The following FOXN2 variants were observed in gnomAD, a reference collection of about 807,000 sequenced individuals.
FOXN2 encodes the protein forkhead box protein N2.
Under a neutral mutation model 41.2 loss-of-function variants are expected in FOXN2, and 19 were observed. That is an observed-to-expected ratio of 0.46 (90% CI 0.32 to 0.68). The LOEUF (loss-of-function observed/expected upper bound fraction) is 0.68, where lower values mean the gene tolerates loss of function less well. Among genes scored for constraint, FOXN2 ranks in the 30% least tolerant of loss-of-function variants. The pLI, the probability that FOXN2 is intolerant of heterozygous loss-of-function variation, is 0.03. For missense variants in FOXN2, 587 were observed against 509.4 expected (o/e 1.15, Z -1.47); for synonymous variants, 195 against 176.8 (o/e 1.10, Z -0.82).
chr2:48,345,247 T>G (rs2104365036), intron 2 of FOXN2, among the ~76,000 whole-genome samples: 1 of 152,306 alleles, frequency 6.6e-6, no homozygotes, highest in South Asian at 2.1e-4. Flanking sequence ...TTAATTTAGC[T>G]AATGATAAAT....
At chr2:48,364,213 ATATTT>A (rs980188837) in intron 5 of FOXN2, among the ~76,000 whole-genome samples, 1 of 152,044 alleles carries the variant, frequency 6.6e-6, no homozygotes, top group African/African-American at 2.4e-5. Context: ...CCCATTGTTA[ATATTT>A]TATTTTTATT....
At chr2:48,368,527 A>G (rs1216045745) in intron 5 of FOXN2, among the ~76,000 whole-genome samples, 1 of 152,058 alleles carries the variant, frequency 6.6e-6, no homozygotes, top group Non-Finnish European at 1.5e-5. Flanking sequence ...CCCCATCTCT[A>G]CCAAAAATAT....
intron 2 of FOXN2, among the ~76,000 whole-genome samples, chr2:48,335,233 TGAA>T (rs1558618103): frequency 6.6e-6 from 1 of 152,200 alleles, no homozygotes; most frequent in East Asian, 1.9e-4. Context: ...GGCTTAAAAA[TGAA>T]GAAAAGAGCA....
intron 1 of FOXN2, among the ~76,000 whole-genome samples, chr2:48,328,342 T>A (rs759298334): frequency 2.0e-5 from 3 of 152,232 alleles, no homozygotes; most frequent in Non-Finnish European, 4.4e-5. Context: ...AAGTTTCTTG[T>A]ATTACATGGT....
At chr2:48,341,131 C>T (rs1395463774) in intron 2 of FOXN2, among the ~76,000 whole-genome samples, 1 of 151,864 alleles carries the variant, frequency 6.6e-6, no homozygotes, top group Non-Finnish European at 1.5e-5. Context: ...CATTGAAATA[C>T]TGTTCTTAAA....
intron 4 of FOXN2, among the ~76,000 whole-genome samples, chr2:48,360,281 T>G (rs745641390): frequency 1.3e-5 from 2 of 152,268 alleles, no homozygotes; most frequent in African/African-American, 4.8e-5. Flanking sequence ...TAAAATACTT[T>G]AAGGGTAGTT....
At chr2:48,369,275 C>T (rs1236182077) in intron 5 of FOXN2, among the ~76,000 whole-genome samples, 1 of 152,170 alleles carries the variant, frequency 6.6e-6, no homozygotes, top group African/African-American at 2.4e-5. Flanking sequence ...GGGGGTCTCA[C>T]GCCTGTAATC....
intron 3 of FOXN2, among the ~76,000 whole-genome samples, chr2:48,347,220 CTTT>C (rs751958598): frequency 1.2e-4 from 9 of 75,730 alleles, no homozygotes; most frequent in African/African-American, 4.9e-4. Context: ...TGTTTTGGTG[CTTT>C]TTTTTTTTTT....
chr2:48,334,383 C>T (rs1001213896), intron 2 of FOXN2, among the ~76,000 whole-genome samples: 2 of 152,138 alleles, frequency 1.3e-5, no homozygotes, highest in East Asian at 3.9e-4. Context: ...TGTCAGACTT[C>T]TCAAGTGTGC....
At chr2:48,332,459 A>T (rs1039797584) in intron 2 of FOXN2, among the ~76,000 whole-genome samples, 4 of 152,210 alleles carry the variant, frequency 2.6e-5, no homozygotes, top group African/African-American at 7.2e-5. Flanking sequence ...TGAAAGTCGA[A>T]TCGTAAAGAA....
intron 2 of FOXN2, among the ~76,000 whole-genome samples, chr2:48,339,787 G>T (rs1293366271): frequency 9.9e-5 from 15 of 152,118 alleles, no homozygotes; most frequent in African/African-American, 3.6e-4. Context: ...GTATACTCAA[G>T]AGAAATTTCT....
intron 2 of FOXN2, among the ~76,000 whole-genome samples, chr2:48,335,515 T>C (rs1670274299): frequency 6.6e-6 from 1 of 152,192 alleles, no homozygotes; most frequent in African/African-American, 2.4e-5. Flanking sequence ...GACTATGAAA[T>C]GATATGCAAG....
chr2:48,369,269 G>T (rs1672731039), intron 5 of FOXN2, among the ~76,000 whole-genome samples: 1 of 152,204 alleles, frequency 6.6e-6, no homozygotes, highest in South Asian at 2.1e-4. Flanking sequence ...CCAGGCGGGG[G>T]TCTCACGCCT....
At chr2:48,357,207 G>A (rs1460882015) in intron 3 of FOXN2, among the ~76,000 whole-genome samples, 1 of 152,110 alleles carries the variant, frequency 6.6e-6, no homozygotes, top group African/African-American at 2.4e-5. Flanking sequence ...ATACTTAACT[G>A]CCCTGAAACT....
rs549645748 is a variant in FOXN2, at chr2:48,364,072, A to T, written c.703+1365A>T. Among the ~76,000 whole-genome samples, 4 of 152,332 alleles carry T rather than the reference A, an allele frequency of 2.6e-5. No homozygotes were observed. The East Asian group carries it at 7.7e-4, about 29-fold the overall frequency. On this transcript the variant is annotated intron_variant, in intron 5 of 6. Coordinates refer to ENST00000340553, the MANE Select transcript of FOXN2 (RefSeq NM_002158.4). The stretch of plus-strand genomic sequence containing the variant: ...CATGACTGTATTTTAATTCATAAAA[A>T]ATTCAGATAAAAATTTGGGATATTT...
intron 3 of FOXN2, among the ~76,000 whole-genome samples, chr2:48,349,953 C>A (rs979866013): frequency 6.6e-6 from 1 of 152,204 alleles, no homozygotes; most frequent in Non-Finnish European, 1.5e-5. Context: ...CCCTGACATT[C>A]CCAGAAGAAG....
At chr2:48,326,756 C>A (rs944143512) in intron 1 of FOXN2, among the ~76,000 whole-genome samples, 1 of 152,172 alleles carries the variant, frequency 6.6e-6, no homozygotes, top group Non-Finnish European at 1.5e-5. Context: ...TATTCAGCAT[C>A]TCCAAGGGAA....
In FOXN2 at chr2:48,379,019, T is replaced by G. The variant is rs1673417650; in HGVS notation, c.*3576T>G. 6.6e-6 allele frequency: 1 copy of G among 152,612 alleles called. No homozygotes were observed. The allele number at this position is 152,612 out of a possible 1,614,324, so 9.5% of individuals were successfully genotyped here. A position where few individuals can be genotyped will look rare whatever the true frequency, so the allele number is the denominator to read the frequency against. On this transcript the variant is annotated 3_prime_UTR_variant, in exon 7 of 7. Coordinates refer to ENST00000340553, the MANE Select transcript of FOXN2 (RefSeq NM_002158.4). ...TAAATGAAAGTGTAAGAATGCTTTCTGATTCAACAAATTTGTTATCAAACT... is the reference window on the plus strand; with the variant it reads ...TAAATGAAAGTGTAAGAATGCTTTCGGATTCAACAAATTTGTTATCAAACT...
chr2:48,325,574 T>C lies in FOXN2; in HGVS notation c.-156-2987T>C, dbSNP rs1179866345. On this transcript the variant is annotated intron_variant, in intron 1 of 6. Coordinates refer to ENST00000340553, the MANE Select transcript of FOXN2 (RefSeq NM_002158.4). ...TCAGTTTTGATTAGAATTTAGATTA[T>C]TATAATAAAGTCTAACATCTCATTT... Among the ~76,000 whole-genome samples the C allele has an allele frequency of 2.0e-5, 3 of 152,180 alleles. No homozygotes were observed. The South Asian group carries it at 6.2e-4, about 32-fold the overall frequency.
Sources: gnomAD v4.1 joint callset for allele counts (sites outside exome capture counted in the v4.1 genomes callset) on GRCh38, gnomAD v4.1.1 for gene constraint, MANE v1.5 for transcripts, NCBI Gene and HGNC (gene_info 2026-07-23, HGNC 2026-07-21) for gene names.